The following TBC1D5 variants were observed in gnomAD, a reference collection of about 807,000 sequenced individuals.
TBC1D5 encodes the protein TBC1 domain family, member 5.
Under a neutral mutation model 100.3 loss-of-function variants are expected in TBC1D5, and 75 were observed. That is an observed-to-expected ratio of 0.75 (90% CI 0.62 to 0.91). The LOEUF (loss-of-function observed/expected upper bound fraction) is 0.91. Ranked by LOEUF, TBC1D5 falls within the 40% of genes least tolerant of loss-of-function variation. The pLI, the probability that TBC1D5 is intolerant of heterozygous loss-of-function variation, is 0.00. For synonymous variants in TBC1D5, 323 were observed against 325.6 expected (o/e 0.99, Z 0.09); for missense variants, 910 against 942.4 (o/e 0.97, Z 0.45).
At chr3:17,699,745 T>A (rs1008290506) in intron 1 of TBC1D5, among the ~76,000 whole-genome samples, 6 of 150,652 alleles carry the variant, frequency 4.0e-5, no homozygotes, top group Admixed American at 4.0e-4. Flanking sequence ...AAAGTTAATA[T>A]CCTTTCAATG....
intron 1 of TBC1D5, among the ~76,000 whole-genome samples, chr3:17,695,622 G>C (rs1428272055): frequency 1.3e-5 from 2 of 152,144 alleles, no homozygotes; most frequent in Non-Finnish European, 2.9e-5. Context: ...CCTACAAAGA[G>C]ACTTAGACTC....
intron 13 of TBC1D5, among the ~76,000 whole-genome samples, chr3:17,347,629 T>TA (rs1304636864): frequency 1.3e-5 from 2 of 151,726 alleles, no homozygotes; most frequent in African/African-American, 4.8e-5. Flanking sequence ...TGTAAAAATA[T>TA]AAAAATCCCT....
At chr3:17,546,357 A>G (rs1482100379) in intron 2 of TBC1D5, among the ~76,000 whole-genome samples, 5 of 152,198 alleles carry the variant, frequency 3.3e-5, no homozygotes, top group Non-Finnish European at 7.3e-5. Context: ...ACATGGCCTC[A>G]ATTACAAATG....
At chr3:17,577,605 T>C (rs148064048) in intron 2 of TBC1D5, among the ~76,000 whole-genome samples, 43 of 151,886 alleles carry the variant, frequency 2.8e-4, no homozygotes, top group Non-Finnish European at 3.7e-4. Flanking sequence ...AAAATGAAAG[T>C]GGGAGGAATA....
At chr3:17,429,263 T>C (rs529614868) in intron 3 of TBC1D5, among the ~76,000 whole-genome samples, 3 of 151,988 alleles carry the variant, frequency 2.0e-5, no homozygotes, top group Middle Eastern at 3.4e-3. Context: ...TGTACTAAAG[T>C]TGGAAAAAAT....
At chr3:17,696,764 A>G (rs1338533972) in intron 1 of TBC1D5, among the ~76,000 whole-genome samples, 1 of 152,220 alleles carries the variant, frequency 6.6e-6, no homozygotes, top group African/African-American at 2.4e-5. Context: ...TGAGGCCAAC[A>G]TCTTCCCGAT....
At chr3:17,384,282 T>C (rs1300952132) in intron 8 of TBC1D5, among the ~76,000 whole-genome samples, 1 of 152,110 alleles carries the variant, frequency 6.6e-6, no homozygotes, top group Admixed American at 6.6e-5. Flanking sequence ...GTGAATATGA[T>C]AGCTTTTGAA....
intron 21 of TBC1D5, among the ~76,000 whole-genome samples, chr3:17,162,689 C>A (rs1203689927): frequency 4.6e-5 from 7 of 152,196 alleles, no homozygotes. Context: ...GGCACCAGAG[C>A]TGTTTGGTAG....
At chr3:17,166,732 G>C (rs767725425) in intron 21 of TBC1D5, 35 bp downstream of exon 22, 4 of 1,582,020 alleles carry the variant, frequency 2.5e-6, no homozygotes, top group Non-Finnish European at 3.4e-6. Context: ...TGCTCCCTTT[G>C]AGTTAATGTA....
Position 17,495,192 on chromosome 3 carries a change from G to A in TBC1D5, c.97+13282C>T, listed in dbSNP as rs73153062. 5.3e-3 allele frequency among the ~76,000 whole-genome samples: 810 copies of A among 152,346 alleles called. 12 individuals are homozygous for A. Among genetic ancestry groups the A allele is most frequent in the African/African-American group, 0.019 (778 of 41,582 alleles). ...TCCTCCACAGGAGCCACAGATGGAA[G>A]CTGCTTCTAAGCAGCCATCTTGGCC... is the stretch of plus-strand genomic sequence containing the variant. On this transcript the variant is annotated intron_variant, in intron 3 of 21. Transcript: ENST00000253692.
chr3:17,668,777 C>T (rs1403295572), intron 1 of TBC1D5, among the ~76,000 whole-genome samples: 1 of 152,048 alleles, frequency 6.6e-6, no homozygotes, highest in Non-Finnish European at 1.5e-5. Flanking sequence ...TCTGGTCCCA[C>T]TGCTGTCAAT....
intron 8 of TBC1D5, among the ~76,000 whole-genome samples, chr3:17,398,493 T>C (rs2093565291): frequency 6.6e-6 from 1 of 152,182 alleles, no homozygotes; most frequent in South Asian, 2.1e-4. Flanking sequence ...TGAAGTGTGC[T>C]TATGTCTGTG....
At chr3:17,354,678 T>G (rs2091024425) in intron 13 of TBC1D5, among the ~76,000 whole-genome samples, 1 of 151,776 alleles carries the variant, frequency 6.6e-6, no homozygotes, top group Non-Finnish European at 1.5e-5. Flanking sequence ...GTGCAATCAC[T>G]GTAATTTTTA....
At chr3:17,672,255 A>AC (rs1354269813) in intron 1 of TBC1D5, among the ~76,000 whole-genome samples, 1 of 152,234 alleles carries the variant, frequency 6.6e-6, no homozygotes, top group Non-Finnish European at 1.5e-5. Context: ...ATAAATTTGA[A>AC]CCTAAAGAAT....
chr3:17,633,730 T>G (rs553592647), intron 1 of TBC1D5, among the ~76,000 whole-genome samples: 10 of 152,106 alleles, frequency 6.6e-5, no homozygotes, highest in Non-Finnish European at 1.0e-4. Context: ...TTTTAAAAAT[T>G]AAGCATAGTT....
At chr3:17,283,888 T>C (rs2080871498) in intron 15 of TBC1D5, among the ~76,000 whole-genome samples, 1 of 152,112 alleles carries the variant, frequency 6.6e-6, no homozygotes, top group Non-Finnish European at 1.5e-5. Flanking sequence ...ATTTCACCAA[T>C]AGCCTAAGCT....
At chr3:17,308,397 GA>G (rs1280051788) in intron 13 of TBC1D5, among the ~76,000 whole-genome samples, 1 of 151,834 alleles carries the variant, frequency 6.6e-6, no homozygotes, top group Non-Finnish European at 1.5e-5. Context: ...ATATTTAATA[GA>G]AATCACAAAT....
At chr3:17,247,022 C>T (rs1449411364) in intron 16 of TBC1D5, among the ~76,000 whole-genome samples, 1 of 151,976 alleles carries the variant, frequency 6.6e-6, no homozygotes, top group African/African-American at 2.4e-5. Context: ...TGTTTTTTTT[C>T]ACCTGGGTCC....
chr3:17,741,802 T>TC, upstream of TBC1D5, among the ~76,000 whole-genome samples: 1 of 81,252 alleles, frequency 1.2e-5, no homozygotes, highest in Middle Eastern at 6.0e-3. Context: ...CCCTGCGAAT[T>TC]TTTTTTTTTT....
Sources: gnomAD v4.1 joint callset for allele counts (sites outside exome capture counted in the v4.1 genomes callset) on GRCh38, gnomAD v4.1.1 for gene constraint, MANE v1.5 for transcripts, NCBI Gene and HGNC (gene_info 2026-07-23, HGNC 2026-07-21) for gene names.